The following MYO16 variants were observed in gnomAD, a reference collection of about 807,000 sequenced individuals.
The protein encoded by MYO16 is myosin XVI.
In MYO16, 94 loss-of-function variants were observed where a neutral mutation model predicts 205.3. That is an observed-to-expected ratio of 0.46 (90% confidence interval 0.39 to 0.54). The LOEUF (loss-of-function observed/expected upper bound fraction) is 0.54, where lower values mean the gene tolerates loss of function less well. MYO16 is among the 20% of genes least tolerant of loss of function. MYO16 has a pLI of 0.00. For missense variants in MYO16, 2,315 were observed against 2,387.5 expected (o/e 0.97, Z 0.63); for synonymous variants, 988 against 954.0 (o/e 1.04, Z -0.66).
chr13:108,754,760 CT>C (rs1342793246), intron 4 of MYO16, among the ~76,000 whole-genome samples: 2 of 152,142 alleles, frequency 1.3e-5, no homozygotes, highest in African/African-American at 2.4e-5. Context: ...GGTTCTGCCC[CT>C]GCATCCTCCA....
At chr13:108,506,369 C>G in the MYO16 span, among the ~76,000 whole-genome samples, 1 of 151,974 alleles carries the variant, frequency 6.6e-6, no homozygotes, top group Non-Finnish European at 1.5e-5. Context: ...GTGTATAGGT[C>G]TTTTACCTCT....
chr13:108,657,475 C>T lies in MYO16; in HGVS notation c.29-8411C>T, dbSNP rs1407402444. Among the ~76,000 whole-genome samples the T allele has an allele frequency of 7.2e-5, 11 of 152,154 alleles. No individual in the cohort carries two copies. The East Asian group carries it at 7.7e-4, about 11-fold the overall frequency. On this transcript the variant is annotated intron_variant, in intron 1 of 34. Coordinates refer to ENST00000457511, the MANE Select transcript of MYO16 (RefSeq NM_001198950.3). ...GTTTAATTTTATCTGCAGCATATTT[C>T]GAGAGGTGGAAGAAATATATATCTT...
At chr13:109,005,770 G>C (rs1269135078) in intron 21 of MYO16, among the ~76,000 whole-genome samples, 1 of 152,048 alleles carries the variant, frequency 6.6e-6, no homozygotes, top group Non-Finnish European at 1.5e-5. Flanking sequence ...CCAGTCCCAC[G>C]CCACACTCCC....
intron 33 of MYO16, among the ~76,000 whole-genome samples, chr13:109,178,358 G>A (rs1439229514): frequency 6.6e-6 from 1 of 152,158 alleles, no homozygotes; most frequent in Non-Finnish European, 1.5e-5. Flanking sequence ...AAGGTATCTG[G>A]ACATGTAACA....
At chr13:109,051,491 GA>G (rs1436947006) in intron 24 of MYO16, among the ~76,000 whole-genome samples, 2 of 152,020 alleles carry the variant, frequency 1.3e-5, no homozygotes, top group Admixed American at 6.6e-5. Flanking sequence ...TATTTTATAG[GA>G]AAGGACACTT....
chr13:108,667,323 T>TTTG (rs1555337005), intron 2 of MYO16, among the ~76,000 whole-genome samples: 4 of 148,090 alleles, frequency 2.7e-5, no homozygotes, highest in African/African-American at 1.0e-4. Context: ...CTGTTTTGTT[T>TTTG]TTTTTTTTTT....
chr13:108,956,783 C>T (rs1467534694), intron 16 of MYO16, among the ~76,000 whole-genome samples: 1 of 152,152 alleles, frequency 6.6e-6, no homozygotes, highest in Non-Finnish European at 1.5e-5. Context: ...GTTGCAGCCC[C>T]TTCCTGCACA....
chr13:108,644,345 CATCT>C (rs1880641742), intron 1 of MYO16, among the ~76,000 whole-genome samples: 1 of 141,912 alleles, frequency 7.0e-6, no homozygotes, highest in Admixed American at 7.1e-5. Context: ...TTTATTCTAC[CATCT>C]ATCTGTCTGT....
intron 16 of MYO16, among the ~76,000 whole-genome samples, chr13:108,924,046 G>T (rs758540208): frequency 9.2e-5 from 14 of 152,050 alleles, no homozygotes; most frequent in African/African-American, 3.1e-4. Flanking sequence ...GACAGAAAAG[G>T]GTTTCTGCCA....
chr13:109,013,542 C>T (rs1394863743), intron 22 of MYO16, among the ~76,000 whole-genome samples: 1 of 152,192 alleles, frequency 6.6e-6, no homozygotes, highest in African/African-American at 2.4e-5. Flanking sequence ...GATCACCACA[C>T]TGTCTTCCAC....
intron 1 of MYO16, among the ~76,000 whole-genome samples, chr13:108,631,761 C>T (rs954368894): frequency 6.6e-6 from 1 of 152,126 alleles, no homozygotes; most frequent in East Asian, 1.9e-4. Context: ...GCATCTTGAG[C>T]TATATCTTGG....
At chr13:109,058,000 G>A (rs1332650220) in intron 27 of MYO16, among the ~76,000 whole-genome samples, 3 of 152,064 alleles carry the variant, frequency 2.0e-5, no homozygotes, top group Non-Finnish European at 4.4e-5. Flanking sequence ...GCAGTTCTCT[G>A]ACATGAGTGC....
At chr13:108,572,555 T>G in the MYO16 span, among the ~76,000 whole-genome samples, 3 of 152,322 alleles carry the variant, frequency 2.0e-5, no homozygotes, top group Admixed American at 2.0e-4. Flanking sequence ...CTTATTTCGG[T>G]AGATCACAGT....
intron 9 of MYO16, among the ~76,000 whole-genome samples, chr13:108,825,956 G>A (rs449718): frequency 0.028 from 4,260 of 152,138 alleles, 187 homozygotes; most frequent in African/African-American, 0.094. Flanking sequence ...CACTGAAAGA[G>A]ATTAAAGAGC....
chr13:108,775,104 T>C (rs1453225955), intron 4 of MYO16, among the ~76,000 whole-genome samples: 1 of 152,220 alleles, frequency 6.6e-6, no homozygotes, highest in Non-Finnish European at 1.5e-5. Context: ...AAAACAACCA[T>C]GTGTATGGTC....
intron 10 of MYO16, among the ~76,000 whole-genome samples, chr13:108,846,156 C>T (rs1877508736): frequency 6.6e-6 from 1 of 152,164 alleles, no homozygotes; most frequent in Non-Finnish European, 1.5e-5. Flanking sequence ...GGAAAAATGA[C>T]TATTAATTAA....
At chr13:108,537,698 C>T in the MYO16 span, among the ~76,000 whole-genome samples, 1 of 151,898 alleles carries the variant, frequency 6.6e-6, no homozygotes, top group Non-Finnish European at 1.5e-5. Context: ...TAATAATAGC[C>T]ATTGTGACTG....
rs138691794 is a variant in MYO16 at position 108,778,309 on chromosome 13, C to T, written c.508-7326C>T. Among the ~76,000 whole-genome samples, 27 of 152,336 alleles carry T rather than the reference C, an allele frequency of 1.8e-4. 1 individual carries two copies. The East Asian group carries it at 5.0e-3, about 28-fold the overall frequency. ...CCCTGGCGAGGAAGACTCAGGGTGA[C>T]TTCAGGGCTCAAGATTGTCTGTTTC... On this transcript the variant is annotated intron_variant, in intron 4 of 34. Transcript: ENST00000457511.
chr13:108,780,630 C>G (rs865813486), intron 4 of MYO16, among the ~76,000 whole-genome samples: 3 of 152,170 alleles, frequency 2.0e-5, no homozygotes, highest in Non-Finnish European at 4.4e-5. Context: ...AATTGCCGTA[C>G]AAATTATAAT....
Sources: gnomAD v4.1 joint callset for allele counts (sites outside exome capture counted in the v4.1 genomes callset) on GRCh38, gnomAD v4.1.1 for gene constraint, MANE v1.5 for transcripts, NCBI Gene and HGNC (gene_info 2026-07-23, HGNC 2026-07-21) for gene names.